Variants in MSR1 observed in about 807,000 individuals in gnomAD.
The protein encoded by MSR1 is macrophage scavenger receptor 1.
A neutral mutation model predicts 47.2 loss-of-function variants in MSR1; 53 were observed. The observed-to-expected ratio is 1.12, with a 90% confidence interval of 0.90 to 1.41. MSR1 has a LOEUF of 1.41. Ranked by LOEUF, MSR1 falls within the 40% of genes most tolerant of loss-of-function variation. The pLI is 0.00. For missense variants in MSR1, 786 were observed against 546.9 expected, an observed-to-expected ratio of 1.44 and a Z score of -4.36; for synonymous variants, 239 against 185.6, an observed-to-expected ratio of 1.29 and a Z score of -2.34.
In MSR1 at chr8:16,181,801, A is replaced by T. The variant is rs578160166; in HGVS notation, c.-4-3809T>A. ...TATCCCAGAACTTAAAGTATAATTTAAAAAAAAAAAAGAAAAACGAAAACC... is the reference window on the plus strand; with the variant it reads ...TATCCCAGAACTTAAAGTATAATTTTAAAAAAAAAAAGAAAAACGAAAACC... On this transcript the variant is annotated intron_variant, in intron 1 of 9. Transcript: ENST00000262101. 3.1e-4 allele frequency among the ~76,000 whole-genome samples: 28 copies of T among 89,902 alleles called. No individual in the cohort carries two copies. In the South Asian group the frequency reaches 7.8e-3, roughly 25 times the overall value. 59.0% of individuals were successfully genotyped at this position (89,902 alleles called of 152,430 possible).
chr8:16,187,310 C>G (rs1802030382), intron 1 of MSR1, among the ~76,000 whole-genome samples: 1 of 139,894 alleles, frequency 7.1e-6, no homozygotes, highest in Non-Finnish European at 1.5e-5. Flanking sequence ...TAGCAGTGAG[C>G]CAAGATCAGG....
At chr8:16,180,908 A>G (rs540017763) in intron 1 of MSR1, among the ~76,000 whole-genome samples, 2 of 152,090 alleles carry the variant, frequency 1.3e-5, no homozygotes, top group South Asian at 4.2e-4. Flanking sequence ...ACTGTGGAGA[A>G]AGGGAATGAA....
At chr8:16,115,457 C>T (rs1048019982) in intron 9 of MSR1, among the ~76,000 whole-genome samples, 1 of 152,034 alleles carries the variant, frequency 6.6e-6, no homozygotes, top group Non-Finnish European at 1.5e-5. Context: ...CCATAAAAAC[C>T]TCGTTTGCCA....
At chr8:16,114,230 C>CG (rs1799826128) in intron 9 of MSR1, among the ~76,000 whole-genome samples, 1 of 64,904 alleles carries the variant, frequency 1.5e-5, no homozygotes, top group Admixed American at 1.5e-4. Context: ...TTTACCCTTA[C>CG]ATTTTTTTTT....
chr8:16,137,221 C>G (rs1369337249), intron 8 of MSR1, among the ~76,000 whole-genome samples: 2 of 152,012 alleles, frequency 1.3e-5, no homozygotes, highest in Non-Finnish European at 2.9e-5. Context: ...TCTAGGAAGA[C>G]TATGTTTCTG....
At chr8:16,177,760 T>C (rs1801693163) in intron 2 of MSR1, 126 bp downstream of exon 2, 8 of 738,982 alleles carry the variant, frequency 1.1e-5, no homozygotes, top group Non-Finnish European at 1.9e-5. Flanking sequence ...AGAATACCCC[T>C]GTTGGTCAAA....
intron 9 of MSR1, among the ~76,000 whole-genome samples, chr8:16,119,724 T>A (rs943665387): frequency 3.3e-5 from 5 of 152,032 alleles, no homozygotes; most frequent in African/African-American, 1.2e-4. Context: ...AATTTGTTTT[T>A]CAGAGACAGG....
intron 5 of MSR1, among the ~76,000 whole-genome samples, chr8:16,159,516 A>T (rs1228253929): frequency 6.6e-6 from 1 of 152,008 alleles, no homozygotes; most frequent in Non-Finnish European, 1.5e-5. Flanking sequence ...TATAAGGGAA[A>T]AGAGAACACA....
chr8:16,144,292 G>A (rs1800640030), intron 7 of MSR1, among the ~76,000 whole-genome samples: 1 of 152,032 alleles, frequency 6.6e-6, no homozygotes, highest in African/African-American at 2.4e-5. Flanking sequence ...GGGGTGTGCA[G>A]GAGATCTTTC....
chr8:16,169,148 TTG>T, intron 3 of MSR1, among the ~76,000 whole-genome samples: 2 of 152,212 alleles, frequency 1.3e-5, no homozygotes, highest in Non-Finnish European at 2.9e-5. Context: ...TTCTTGGCCA[TTG>T]ATTTTGGCCT....
chr8:16,171,983 G>A (rs13251251), intron 3 of MSR1, among the ~76,000 whole-genome samples: 1 of 152,100 alleles, frequency 6.6e-6, no homozygotes, highest in Non-Finnish European at 1.5e-5. Flanking sequence ...CACTTGAAAA[G>A]TTTCAGGTTT....
chr8:16,163,949 T>C (rs376051591), intron 5 of MSR1, 116 bp downstream of exon 5: 20 of 809,090 alleles, frequency 2.5e-5, no homozygotes, highest in African/African-American at 1.9e-4. Flanking sequence ...TTGCAGTAAA[T>C]GTAAGCTCAG....
chr8:16,132,655 T>A (rs1800289262), intron 8 of MSR1, among the ~76,000 whole-genome samples: 1 of 151,960 alleles, frequency 6.6e-6, no homozygotes, highest in Admixed American at 6.6e-5. Flanking sequence ...ACTGGCTGAT[T>A]TTTGTATTTT....
At chr8:16,139,764 AAAAAAAAAAAATATATATATATAT>A (rs1800489884) in intron 8 of MSR1, 2 of 163,708 alleles carry the variant, frequency 1.2e-5, no homozygotes, top group African/African-American at 1.5e-4. Context: ...AAAAAAAAAA[AAAAAAAAAAAATATATATATATAT>A]ATATATATAT....
At position 16,108,997 on chromosome 8, in the gene MSR1, T is replaced by G. The variant is rs2117039569; in HGVS notation, c.*1088A>C. ...AATTCATTTGCGCTTTAATATCAAC[T>G]GCTGGTCTTTCTGCAGGCAGTCACT... On this transcript the variant is annotated 3_prime_UTR_variant, in exon 10 of 10. Transcript: ENST00000262101. 6.6e-6 allele frequency: 1 copy of G among 152,222 alleles called. No individual in the cohort carries two copies. 9.4% of individuals were successfully genotyped at this position (152,222 alleles called of 1,614,324 possible).
chr8:16,175,599 G>A (rs11988710), intron 2 of MSR1, among the ~76,000 whole-genome samples: 43,323 of 151,960 alleles, frequency 0.29, 7,361 homozygotes, highest in Non-Finnish European at 0.39. Flanking sequence ...TTTTAATATC[G>A]ACACTTACAT....
chr8:16,139,445 C>T, intron 8 of MSR1: 1 of 973,748 alleles, frequency 1.0e-6, no homozygotes, highest in South Asian at 4.7e-5. Flanking sequence ...AATAAAAATG[C>T]TGAGATACAC....
At chr8:16,116,224 C>G (rs1403246706) in intron 9 of MSR1, among the ~76,000 whole-genome samples, 2 of 152,128 alleles carry the variant, frequency 1.3e-5, no homozygotes, top group Admixed American at 1.3e-4. Flanking sequence ...TTAACTCAAG[C>G]TTCAAAACAA....
intron 5 of MSR1, among the ~76,000 whole-genome samples, chr8:16,162,943 TA>T (rs916604643): frequency 1.7e-4 from 25 of 151,032 alleles, no homozygotes; most frequent in East Asian, 3.9e-4. Context: ...AGTTCTCGAT[TA>T]AAAAAAAATA....
Sources: gnomAD v4.1 joint callset for allele counts (sites outside exome capture counted in the v4.1 genomes callset) on GRCh38, gnomAD v4.1.1 for gene constraint, MANE v1.5 for transcripts, NCBI Gene and HGNC (gene_info 2026-07-23, HGNC 2026-07-21) for gene names.